Variants in GRM4 observed in about 807,000 individuals in gnomAD.
GRM4 encodes the protein glutamate metabotropic receptor 4.
In GRM4, 28 loss-of-function variants were observed where a neutral mutation model predicts 81.7. The observed-to-expected ratio is 0.34, with a 90% CI of 0.25 to 0.47. GRM4 has a LOEUF of 0.47. Ranked by LOEUF, GRM4 falls within the 20% of genes least tolerant of loss-of-function variation. GRM4 has a pLI of 1.00. For synonymous variants in GRM4, 488 were observed against 528.8 expected (o/e 0.92, Z 1.06); for missense variants, 948 against 1,290.0 (o/e 0.73, Z 4.06).
In GRM4 at chr6:34,091,916, C is replaced by T. The variant is rs1195711701; in HGVS notation, c.703G>A (p.Val235Met). 1.2e-6 allele frequency: 2 copies of T among 1,613,986 alleles called. No individual in the cohort carries two copies. Among genetic ancestry groups the T allele is most frequent in the South Asian group, 2.2e-5 (2 of 91,080 alleles). Residue 235 changes from valine to methionine, a missense_variant, in exon 3 of 11, where the codon GTG (valine) becomes ATG (methionine). Transcript: ENST00000538487. ...CGGGACTTCTGGATGAAGGCCTCCA[C>T]ACCGCTCTCACCATAGCTGCCCTCC... ...ASEGSYGESG[V>M]EAFIQKSRED...
At position 34,022,707 on chromosome 6, in the gene GRM4, T is replaced by C; in HGVS notation, c.*114A>G. The C allele has an allele frequency of 1.1e-6, 1 of 921,070 alleles. No individual in the cohort carries two copies. The allele number at this position is 921,070 out of a possible 1,614,324, so 57.1% of individuals were successfully genotyped here. A position where few individuals can be genotyped will look rare whatever the true frequency, so the allele number is the denominator to read the frequency against. On this transcript the variant is annotated 3_prime_UTR_variant, in exon 11 of 11. Transcript: ENST00000538487. The surrounding 1 kb of genome is among the most constrained non-coding windows in gnomAD (Gnocchi z 5.6). ...CTGCTATCCTCAGCACCAAGCCACG[T>C]CCGTGGGTGCCCACGGGCAGGCAAG...
chr6:34,111,806 A>G lies in GRM4; in HGVS notation c.520-19707T>C, dbSNP rs902211. Reference sequence around the variant, plus strand: ...CTGCCCCCCGGGACACCATGGGCTGATGTTGGCAGCATTGCCCCTCTCCTC... The same window carrying G: ...CTGCCCCCCGGGACACCATGGGCTGGTGTTGGCAGCATTGCCCCTCTCCTC... On this transcript the variant is annotated intron_variant, in intron 2 of 10. Coordinates refer to ENST00000538487, the MANE Select transcript of GRM4 (RefSeq NM_000841.4). The surrounding 1 kb of genome is among the most constrained non-coding windows in gnomAD (Gnocchi z 5.1). 0.024 allele frequency among the ~76,000 whole-genome samples: 3,627 copies of G among 152,206 alleles called. 52 individuals carry two copies. Among genetic ancestry groups the G allele is most frequent in the Middle Eastern group, 0.095 (28 of 294 alleles).
rs561952109 is a variant in GRM4, at chr6:34,152,414, C to G, written c.312+2665G>C. Among the ~76,000 whole-genome samples, 2 of 152,286 alleles carry G rather than the reference C, an allele frequency of 1.3e-5. No homozygotes were observed. Among genetic ancestry groups the G allele is most frequent in the Non-Finnish European group, 2.9e-5 (2 of 68,020 alleles). On this transcript the variant is annotated intron_variant, in intron 1 of 8. Transcript: ENST00000374177. The surrounding 1 kb of genome is among the most constrained non-coding windows in gnomAD (Gnocchi z 4.1). ...TGGTCTGGTCCTGGGGCTGAGGTCACAGCTGCACTGCCCCCAACTCTGTCC... is the reference window on the plus strand; with the variant it reads ...TGGTCTGGTCCTGGGGCTGAGGTCAGAGCTGCACTGCCCCCAACTCTGTCC...
intron 2 of GRM4, among the ~76,000 whole-genome samples, chr6:34,119,741 C>T (rs142363048): frequency 3.3e-4 from 50 of 152,330 alleles, no homozygotes; most frequent in Admixed American, 5.9e-4. Flanking sequence ...AGGGGCACTA[C>T]GCAGCCACAC....
chr6:34,050,014 A>G (rs974602514), intron 6 of GRM4, among the ~76,000 whole-genome samples: 1 of 152,278 alleles, frequency 6.6e-6, no homozygotes, highest in South Asian at 2.1e-4. Context: ...CATTCTGCAT[A>G]AAAAACTAAA....
intron 3 of GRM4, among the ~76,000 whole-genome samples, chr6:34,065,411 G>A (rs139263274): frequency 6.6e-6 from 1 of 152,078 alleles, no homozygotes; most frequent in African/African-American, 2.4e-5. Flanking sequence ...ACTGAGAGTA[G>A]ATAGAATCAA....
At chr6:34,061,778 TG>T in intron 4 of GRM4, 114 bp downstream of exon 4, 1 of 1,140,956 alleles carries the variant, frequency 8.8e-7, no homozygotes, top group Non-Finnish European at 1.3e-6. Context: ...CCCACCTCTC[TG>T]GATCCCAGGG....
At chr6:34,120,435 C>T (rs1011020048) in intron 2 of GRM4, among the ~76,000 whole-genome samples, 6 of 152,162 alleles carry the variant, frequency 3.9e-5, no homozygotes, top group East Asian at 3.8e-4. Context: ...GTTTGTTGTA[C>T]TTTCCTAATT....
chr6:34,112,861 T>C (rs1769443327), intron 2 of GRM4, among the ~76,000 whole-genome samples: 1 of 152,192 alleles, frequency 6.6e-6, no homozygotes. Flanking sequence ...ACTTCCTCTG[T>C]CAGTTTGCTA....
chr6:34,082,705 G>A (rs997537408), intron 3 of GRM4, among the ~76,000 whole-genome samples: 8 of 152,224 alleles, frequency 5.3e-5, no homozygotes, highest in Non-Finnish European at 1.2e-4. Context: ...TGCAGTGCCC[G>A]GCCCACCCGG....
intron 2 of GRM4, among the ~76,000 whole-genome samples, chr6:34,098,721 A>T (rs1270199950): frequency 2.0e-5 from 3 of 152,252 alleles, no homozygotes; most frequent in Non-Finnish European, 4.4e-5. Context: ...TTCAGGTAAC[A>T]TGAAAGCTGT....
At chr6:34,085,809 G>C (rs537195506) in intron 3 of GRM4, among the ~76,000 whole-genome samples, 1 of 152,194 alleles carries the variant, frequency 6.6e-6, no homozygotes, top group Non-Finnish European at 1.5e-5. Context: ...AGGGTACGGG[G>C]ACTGGAGAGT....
chr6:34,030,176 C>T (rs562001795), intron 9 of GRM4, among the ~76,000 whole-genome samples: 1 of 152,352 alleles, frequency 6.6e-6, no homozygotes, highest in Admixed American at 6.5e-5. Context: ...TGGGGAATAT[C>T]GTAGAGTCTC....
In GRM4 at chr6:34,059,197, C is replaced by G. The variant is rs1029875157; in HGVS notation, c.873-69G>C. 4 of 1,463,846 alleles carry G rather than the reference C, an allele frequency of 2.7e-6. No individual in the cohort carries two copies. The African/African-American group carries it at 5.5e-5, about 20-fold the overall frequency. 90.7% of individuals were successfully genotyped at this position (1,463,846 alleles called of 1,614,324 possible). On this transcript the variant is annotated intron_variant, in intron 4 of 10. Transcript: ENST00000538487. This position sits in a 1 kb window ranked among gnomAD's most constrained non-coding sequence, Gnocchi z 5.7. ...GAAACTGCCCCCACTCCTGGCCACACTTGCTTTGGGCCCACGTCCCTCACC... is the reference window on the plus strand; with the variant it reads ...GAAACTGCCCCCACTCCTGGCCACAGTTGCTTTGGGCCCACGTCCCTCACC...
chr6:34,065,234 C>A (rs745323839), intron 3 of GRM4, among the ~76,000 whole-genome samples: 1 of 152,116 alleles, frequency 6.6e-6, no homozygotes, highest in African/African-American at 2.4e-5. Context: ...GCTACAGACC[C>A]AAAGTCACAC....
At position 34,040,461 on chromosome 6, in the gene GRM4, T is replaced by C. The variant is rs973724569; in HGVS notation, c.1369+87A>G. On this transcript the variant is annotated intron_variant, in intron 7 of 10. Transcript: ENST00000538487. ...TGGAAACATCAGGAGAGGCCTCCCA[T>C]TCCCACCCCACAGAGCCTAAGGGCC... 3 of 1,434,180 alleles carry C rather than the reference T, an allele frequency of 2.1e-6. No homozygotes were observed. In the African/African-American group the frequency reaches 4.2e-5, roughly 20 times the overall value. 88.8% of individuals were successfully genotyped at this position (1,434,180 alleles called of 1,614,324 possible).
chr6:34,062,043 C>T lies in GRM4; in HGVS notation c.737-15G>A. The T allele has an allele frequency of 2.5e-6, 4 of 1,601,352 alleles. No individual in the cohort carries two copies. The highest frequency in any genetic ancestry group is 1.7e-4 in the Middle Eastern group (1 of 6,014). On this transcript the variant is annotated splice_polypyrimidine_tract_variant and intron_variant, in intron 3 of 10. Coordinates refer to ENST00000538487, the MANE Select transcript of GRM4 (RefSeq NM_000841.4). ...GCACACGCCCCCTGCAGGAGGGGCA[C>T]CAGTTAGTTGGGGTGGGCAGGGGAA...
intron 2 of GRM4, among the ~76,000 whole-genome samples, chr6:34,131,979 A>G (rs1476806209): frequency 6.6e-6 from 1 of 151,942 alleles, no homozygotes; most frequent in East Asian, 1.9e-4. Context: ...ACACATGCAC[A>G]CACACACACA....
chr6:34,096,472 A>C (rs1163025888), intron 2 of GRM4, among the ~76,000 whole-genome samples: 20 of 152,184 alleles, frequency 1.3e-4, no homozygotes, highest in Admixed American at 1.3e-3. Context: ...TCCCGGTGTT[A>C]CTATTCTCTG....
Sources: gnomAD v4.1 joint callset for allele counts (sites outside exome capture counted in the v4.1 genomes callset) on GRCh38, gnomAD v4.1.1 for gene constraint, Gnocchi (gnomAD v3.1) non-coding constraint, MANE v1.5 for transcripts, NCBI Gene and HGNC (gene_info 2026-07-23, HGNC 2026-07-21) for gene names.